The following TENM3 variants were observed in gnomAD, a reference collection of about 807,000 sequenced individuals.
TENM3 encodes the protein teneurin transmembrane protein 3.
A neutral mutation model predicts 255.1 loss-of-function variants in TENM3; 63 were observed. The observed-to-expected ratio is 0.25, with a 90% CI of 0.20 to 0.30. The LOEUF is 0.30. Ranked by LOEUF, TENM3 falls within the 10% of genes least tolerant of loss-of-function variation. TENM3 has a pLI of 1.00. For synonymous variants in TENM3, 1,306 were observed against 1,322.3 expected, an observed-to-expected ratio of 0.99 and a Z score of 0.27; for missense variants, 2,929 against 3,461.1, an observed-to-expected ratio of 0.85 and a Z score of 3.86.
At chr4:181,451,938 G>A in the TENM3 span, among the ~76,000 whole-genome samples, 1 of 152,104 alleles carries the variant, frequency 6.6e-6, no homozygotes, top group Non-Finnish European at 1.5e-5. Flanking sequence ...TGAACAGAAA[G>A]CAACCTGAGG....
chr4:181,654,574 T>A, the TENM3 span, among the ~76,000 whole-genome samples: 1 of 151,812 alleles, frequency 6.6e-6, no homozygotes, highest in South Asian at 2.1e-4. Context: ...GCCAACATGG[T>A]GAAACCCCGT....
At chr4:181,483,631 A>T in the TENM3 span, among the ~76,000 whole-genome samples, 2 of 152,172 alleles carry the variant, frequency 1.3e-5, no homozygotes, top group South Asian at 4.1e-4. Flanking sequence ...TTTCTCAGAC[A>T]TGGTTTTACA....
the TENM3 span, among the ~76,000 whole-genome samples, chr4:181,882,210 C>T: frequency 2.0e-5 from 3 of 152,082 alleles, no homozygotes; most frequent in African/African-American, 4.8e-5. Context: ...GGCATCTGCT[C>T]GACTCTAATA....
the TENM3 span, among the ~76,000 whole-genome samples, chr4:181,884,047 C>T: frequency 6.6e-6 from 1 of 152,088 alleles, no homozygotes; most frequent in Non-Finnish European, 1.5e-5. Context: ...CCGGACAAAA[C>T]CCTGTGGAAC....
intron 22 of TENM3, among the ~76,000 whole-genome samples, chr4:182,766,950 G>A (rs918971905): frequency 6.6e-5 from 10 of 152,044 alleles, no homozygotes; most frequent in African/African-American, 2.4e-4. Flanking sequence ...CCAAACTCAC[G>A]TAAAATAATA....
the TENM3 span, among the ~76,000 whole-genome samples, chr4:181,907,950 T>C: frequency 2.0e-5 from 3 of 152,198 alleles, no homozygotes; most frequent in East Asian, 5.8e-4. Flanking sequence ...GAAGTTTATA[T>C]TGTCTATTTC....
intron 1 of TENM3, among the ~76,000 whole-genome samples, chr4:182,291,942 C>T (rs1761158143): frequency 6.6e-6 from 1 of 152,094 alleles, no homozygotes; most frequent in Non-Finnish European, 1.5e-5. Context: ...TATTATTCAG[C>T]CCTAGAATGG....
chr4:182,139,790 C>T (rs780822401), upstream of TENM3, among the ~76,000 whole-genome samples: 15 of 152,212 alleles, frequency 9.9e-5, no homozygotes, highest in Admixed American at 2.0e-4. Context: ...GGTGGTGCTA[C>T]GCAAATGCAT....
chr4:182,434,915 G>C (rs1052405070), intron 3 of TENM3, among the ~76,000 whole-genome samples: 6 of 152,158 alleles, frequency 3.9e-5, no homozygotes, highest in Non-Finnish European at 7.4e-5. Context: ...CCTGGGGTCT[G>C]AGCATATCAC....
At chr4:181,936,490 C>T in the TENM3 span, among the ~76,000 whole-genome samples, 2 of 151,882 alleles carry the variant, frequency 1.3e-5, no homozygotes, top group Non-Finnish European at 2.9e-5. Flanking sequence ...ATCTCTTTCG[C>T]CTACCCTTCA....
At chr4:181,957,373 G>C in the TENM3 span, among the ~76,000 whole-genome samples, 1 of 152,126 alleles carries the variant, frequency 6.6e-6, no homozygotes, top group Non-Finnish European at 1.5e-5. Context: ...TTTCAGCAAG[G>C]GGGCGGATCA....
At chr4:181,813,951 A>C in the TENM3 span, among the ~76,000 whole-genome samples, 3 of 152,224 alleles carry the variant, frequency 2.0e-5, no homozygotes, top group African/African-American at 7.2e-5. Context: ...GGAGAAGAAA[A>C]TAGTAGCTTA....
the TENM3 span, among the ~76,000 whole-genome samples, chr4:181,839,384 TACAC>T: frequency 1.4e-4 from 12 of 83,478 alleles, no homozygotes; most frequent in Admixed American, 3.8e-4. Flanking sequence ...TATATATATA[TACAC>T]CTATATACAT....
At chr4:181,913,856 C>T in the TENM3 span, among the ~76,000 whole-genome samples, 7 of 152,282 alleles carry the variant, frequency 4.6e-5, no homozygotes, top group East Asian at 7.7e-4. Flanking sequence ...ACAGGCTAAA[C>T]TTTGAAGAGG....
At chr4:182,171,902 T>A (rs1240191001) in intron 1 of TENM3, among the ~76,000 whole-genome samples, 1 of 148,644 alleles carries the variant, frequency 6.7e-6, no homozygotes, top group Non-Finnish European at 1.5e-5. Context: ...ATATTTAAAT[T>A]TTCTGTATCT....
intron 3 of TENM3, among the ~76,000 whole-genome samples, chr4:182,400,544 T>C (rs184830046): frequency 2.6e-5 from 4 of 152,340 alleles, no homozygotes; most frequent in East Asian, 1.9e-4. Context: ...ACATTTAACA[T>C]TAAAGTTATT....
At chr4:182,599,578 T>A (rs1747630363) in intron 3 of TENM3, among the ~76,000 whole-genome samples, 1 of 152,174 alleles carries the variant, frequency 6.6e-6, no homozygotes, top group Non-Finnish European at 1.5e-5. Context: ...TTATATGCTA[T>A]GAGAGGAGTT....
the TENM3 span, among the ~76,000 whole-genome samples, chr4:182,138,681 A>G: frequency 4.1e-4 from 63 of 152,376 alleles, no homozygotes; most frequent in African/African-American, 1.4e-3. Context: ...GTCATATTTA[A>G]TATAAAAACA....
At chr4:182,054,906 A>G in the TENM3 span, among the ~76,000 whole-genome samples, 1 of 152,176 alleles carries the variant, frequency 6.6e-6, no homozygotes, top group Non-Finnish European at 1.5e-5. Context: ...CACTAATGCC[A>G]TGTGAGAGCT....
Sources: allele counts gnomAD v4.1 joint callset (sites outside exome capture counted in the v4.1 genomes callset), GRCh38; gene constraint gnomAD v4.1.1; transcripts MANE v1.5; gene names NCBI Gene and HGNC (gene_info 2026-07-23, HGNC 2026-07-21).